Variants in SOX5 observed in about 807,000 individuals in gnomAD.
SOX5 encodes transcription factor SOX-5.
SOX5 carries 9 observed loss-of-function variants against 92.0 expected under a neutral mutation model. The observed-to-expected ratio is 0.10, with a 90% CI of 0.06 to 0.17. The LOEUF (loss-of-function observed/expected upper bound fraction) is 0.17, where lower values mean the gene tolerates loss of function less well. Among genes scored for constraint, SOX5 ranks in the 10% least tolerant of loss-of-function variants. SOX5 has a pLI of 1.00. For synonymous variants in SOX5, 344 were observed against 336.3 expected, an observed-to-expected ratio of 1.02 and a Z score of -0.25; for missense variants, 642 against 944.5, an observed-to-expected ratio of 0.68 and a Z score of 4.20.
At chr12:23,798,076 C>A (rs567068584) in intron 3 of SOX5, among the ~76,000 whole-genome samples, 1 of 151,948 alleles carries the variant, frequency 6.6e-6, no homozygotes. Flanking sequence ...CTTTTCCTAT[C>A]ATTCTCATTC....
intron 4 of SOX5, among the ~76,000 whole-genome samples, chr12:24,191,834 A>C (rs1335736145): frequency 1.3e-5 from 2 of 152,180 alleles, no homozygotes; most frequent in African/African-American, 4.8e-5. Context: ...AGGCAAAACT[A>C]TCCAGTATTG....
chr12:24,427,893 C>T (rs1190149189), intron 1 of SOX5, among the ~76,000 whole-genome samples: 1 of 152,078 alleles, frequency 6.6e-6, no homozygotes, highest in Non-Finnish European at 1.5e-5. Flanking sequence ...GGTAGAAAAC[C>T]CTGCCCTTAT....
At chr12:23,940,107 G>A (rs960792049) in intron 1 of SOX5, among the ~76,000 whole-genome samples, 2 of 150,910 alleles carry the variant, frequency 1.3e-5, no homozygotes, top group South Asian at 2.1e-4. Context: ...AGTGCCACTC[G>A]TATGCTTTTC....
intron 11 of SOX5, among the ~76,000 whole-genome samples, chr12:23,559,135 T>A (rs545678204): frequency 6.6e-6 from 1 of 152,268 alleles, no homozygotes; most frequent in African/African-American, 2.4e-5. Context: ...CTTTTTATAA[T>A]CTCTTATTAA....
intron 3 of SOX5, among the ~76,000 whole-genome samples, chr12:24,236,287 A>G (rs909609833): frequency 5.9e-5 from 9 of 152,170 alleles, no homozygotes; most frequent in Non-Finnish European, 1.0e-4. Context: ...TTCTTCTCAT[A>G]TCTGTTAGTC....
At chr12:24,396,045 C>G (rs1209706725) in intron 1 of SOX5, among the ~76,000 whole-genome samples, 2 of 152,212 alleles carry the variant, frequency 1.3e-5, no homozygotes, top group African/African-American at 4.8e-5. Context: ...GGGATCCATC[C>G]TCTCGTGTCA....
chr12:24,060,067 C>A (rs1939369649), intron 4 of SOX5, among the ~76,000 whole-genome samples: 1 of 152,134 alleles, frequency 6.6e-6, no homozygotes, highest in South Asian at 2.1e-4. Flanking sequence ...TAGAGTAAAT[C>A]AGCAACTAAA....
intron 4 of SOX5, among the ~76,000 whole-genome samples, chr12:24,031,199 T>TTATATA (rs57044625): frequency 0.01 from 1,546 of 147,436 alleles, 24 homozygotes; most frequent in African/African-American, 0.033. Flanking sequence ...CTGCTACTAG[T>TTATATA]TATATATATA....
intron 4 of SOX5, among the ~76,000 whole-genome samples, chr12:24,189,938 G>A (rs1956364196): frequency 6.6e-6 from 1 of 152,192 alleles, no homozygotes; most frequent in Non-Finnish European, 1.5e-5. Flanking sequence ...AATAGGGGAA[G>A]AAGGGCTTCT....
intron 4 of SOX5, among the ~76,000 whole-genome samples, chr12:24,149,655 C>T (rs1951460666): frequency 6.6e-6 from 1 of 152,084 alleles, no homozygotes; most frequent in Non-Finnish European, 1.5e-5. Context: ...TCCAGTCATT[C>T]CCATTCTAGG....
At chr12:23,892,648 GA>G (rs2097140011) in intron 2 of SOX5, among the ~76,000 whole-genome samples, 1 of 151,926 alleles carries the variant, frequency 6.6e-6, no homozygotes, top group East Asian at 1.9e-4. Context: ...ACTCAAGACA[GA>G]AAAAAACAGC....
intron 4 of SOX5, among the ~76,000 whole-genome samples, chr12:24,128,424 A>G (rs1291673678): frequency 6.6e-6 from 1 of 152,226 alleles, no homozygotes; most frequent in African/African-American, 2.4e-5. Flanking sequence ...CAAATACTGT[A>G]ATTGTAAGCA....
intron 4 of SOX5, among the ~76,000 whole-genome samples, chr12:24,014,444 C>T (rs779932709): frequency 6.6e-6 from 1 of 152,190 alleles, no homozygotes; most frequent in Non-Finnish European, 1.5e-5. Flanking sequence ...GCTCCATCCT[C>T]AGCCCTTTCT....
chr12:24,344,983 T>C (rs1953060591), intron 2 of SOX5, among the ~76,000 whole-genome samples: 1 of 152,168 alleles, frequency 6.6e-6, no homozygotes, highest in Non-Finnish European at 1.5e-5. Context: ...ATTAAAGAAA[T>C]TCTTATTTAC....
chr12:24,329,531 G>T (rs962256986), intron 2 of SOX5, among the ~76,000 whole-genome samples: 1 of 152,120 alleles, frequency 6.6e-6, no homozygotes, highest in African/African-American at 2.4e-5. Flanking sequence ...TTCGGGTGGG[G>T]ACACAAAGCC....
chr12:23,539,587 A>G (rs1941456012), intron 13 of SOX5, among the ~76,000 whole-genome samples: 1 of 141,478 alleles, frequency 7.1e-6, no homozygotes. Context: ...GACTAACTTA[A>G]AGAAAGCTGG....
chr12:23,865,568 G>A (rs944149916), intron 2 of SOX5, among the ~76,000 whole-genome samples: 8 of 151,962 alleles, frequency 5.3e-5, no homozygotes, highest in East Asian at 1.9e-4. Flanking sequence ...CCAGCTACTC[G>A]GGAGGCTGAG....
chr12:24,194,405 ATAGGTAGGTAGGTAGGTAGGTAGGTATG>A (rs1202666676), intron 4 of SOX5, among the ~76,000 whole-genome samples: 1 of 148,134 alleles, frequency 6.8e-6, no homozygotes, highest in East Asian at 1.9e-4. Flanking sequence ...ATCTATCTAG[ATAGGTAGGTAGGTAGGTAGGTAGGTATG>A]TAGGTAGGTA....
chr12:23,709,935 C>T (rs1046414422), intron 6 of SOX5, among the ~76,000 whole-genome samples: 2 of 152,180 alleles, frequency 1.3e-5, no homozygotes, highest in Admixed American at 6.5e-5. Context: ...GAACTTCTGC[C>T]CAGTCCAATA....
Sources: allele counts gnomAD v4.1 joint callset (sites outside exome capture counted in the v4.1 genomes callset), GRCh38; gene constraint gnomAD v4.1.1; transcripts MANE v1.5; gene names NCBI Gene and HGNC (gene_info 2026-07-23, HGNC 2026-07-21).